Variants in HUNK observed in about 807,000 individuals in gnomAD.
HUNK encodes the protein hormonally up-regulated Neu-associated kinase, also known as hormonally up-regulated neu tumor-associated kinase.
In HUNK, 21 loss-of-function variants were observed where a neutral mutation model predicts 61.0. That is an observed-to-expected ratio of 0.34 (90% CI 0.24 to 0.50). The LOEUF is 0.50. Among genes scored for constraint, HUNK ranks in the 20% least tolerant of loss-of-function variants. The pLI, the probability that HUNK is intolerant of heterozygous loss-of-function variation, is 0.98. For missense variants in HUNK, 772 were observed against 945.7 expected, an observed-to-expected ratio of 0.82 and a Z score of 2.41; for synonymous variants, 371 against 386.1, an observed-to-expected ratio of 0.96 and a Z score of 0.46.
chr21:31,908,382 A>C (rs1345063673), intron 1 of HUNK, among the ~76,000 whole-genome samples: 1 of 150,878 alleles, frequency 6.6e-6, no homozygotes, highest in African/African-American at 2.4e-5. Flanking sequence ...GAAAGCCGGG[A>C]GGGTGGGGGA....
chr21:31,962,176 G>A (rs1379837789), intron 5 of HUNK, among the ~76,000 whole-genome samples: 1 of 152,198 alleles, frequency 6.6e-6, no homozygotes, highest in African/African-American at 2.4e-5. Flanking sequence ...AACATGGCAT[G>A]CGGCTTCACC....
chr21:31,890,593 G>T (rs928833941), intron 1 of HUNK, among the ~76,000 whole-genome samples: 1 of 152,190 alleles, frequency 6.6e-6, no homozygotes, highest in Non-Finnish European at 1.5e-5. Flanking sequence ...TGGAGTTGCT[G>T]TAATTTTTAA....
intron 3 of HUNK, among the ~76,000 whole-genome samples, chr21:31,941,018 G>C (rs2052765179): frequency 6.6e-6 from 1 of 152,172 alleles, no homozygotes; most frequent in African/African-American, 2.4e-5. Flanking sequence ...TGCCCAAGAA[G>C]GAACTTTTGT....
At position 31,924,930 on chromosome 21, in the gene HUNK, C is replaced by CT. The variant is rs903378480; in HGVS notation, c.554+172dup. ...TATTTTTTTGAGACGGAGTTTTGTTCTTGTTGCCCAGGCTGGAGTGCAATG... is the reference window on the plus strand; with the variant it reads ...TATTTTTTTGAGACGGAGTTTTGTTCTTTGTTGCCCAGGCTGGAGTGCAATG... On this transcript the variant is annotated intron_variant, in intron 2 of 10. Coordinates refer to ENST00000270112, the MANE Select transcript of HUNK (RefSeq NM_014586.2). The surrounding 1 kb of genome is among the most constrained non-coding windows in gnomAD (Gnocchi z 5.1). Among the ~76,000 whole-genome samples, 1 of 152,064 alleles carries CT rather than the reference C, an allele frequency of 6.6e-6. No individual in the cohort carries two copies. The highest frequency in any genetic ancestry group is 1.5e-5 in the Non-Finnish European group (1 of 68,010).
At chr21:31,918,956 T>TGAGGGGCTGGACTGAGCGGTATGAGGAG (rs1555877177) in intron 1 of HUNK, among the ~76,000 whole-genome samples, 1 of 145,714 alleles carries the variant, frequency 6.9e-6, no homozygotes, top group Non-Finnish European at 1.5e-5. Flanking sequence ...GGTATGAGGT[T>TGAGGGGCTGGACTGAGCGGTATGAGGAG]GAGGGGCTGG....
Position 31,940,226 on chromosome 21 carries a change from AC to A in HUNK, c.610+7del. The A allele has an allele frequency of 2.0e-6, 3 of 1,529,234 alleles. No homozygotes were observed. Among genetic ancestry groups the A allele is most frequent in the South Asian group, 1.2e-5 (1 of 81,992 alleles). 94.7% of individuals were successfully genotyped at this position (1,529,234 alleles called of 1,614,324 possible). On this transcript the variant is annotated splice_region_variant and intron_variant, in intron 3 of 10. Coordinates refer to ENST00000270112, the MANE Select transcript of HUNK (RefSeq NM_014586.2). ...CAATAATATCAAGCTGATTGGTATG[AC>A]TTTTTTTTTTTTTTAAGCAAAAGTA...
chr21:31,993,198 C>T (rs796725763), intron 9 of HUNK, among the ~76,000 whole-genome samples: 8 of 152,272 alleles, frequency 5.3e-5, no homozygotes, highest in African/African-American at 1.9e-4. Flanking sequence ...TACAGGCCAA[C>T]CTTGGTCTCT....
intron 2 of HUNK, among the ~76,000 whole-genome samples, chr21:31,932,248 A>G (rs928545529): frequency 6.6e-6 from 1 of 152,040 alleles, no homozygotes; most frequent in African/African-American, 2.4e-5. Flanking sequence ...TCTTTGCTCC[A>G]CAGGGTTGGA....
At chr21:31,940,116 A>G (rs1180015057) in intron 2 of HUNK, 49 bp from the exon 3 acceptor site, 1 of 1,453,512 alleles carries the variant, frequency 6.9e-7, no homozygotes, top group Admixed American at 1.9e-5. Context: ...ATGTAATTCC[A>G]TTATTTCGAA....
intron 7 of HUNK, among the ~76,000 whole-genome samples, chr21:31,978,846 C>G (rs549451903): frequency 3.9e-5 from 6 of 152,030 alleles, no homozygotes; most frequent in Non-Finnish European, 7.4e-5. Context: ...AATATAGACC[C>G]AGAAGTGGAA....
intron 1 of HUNK, among the ~76,000 whole-genome samples, chr21:31,896,979 T>C (rs1247943851): frequency 2.0e-5 from 3 of 152,168 alleles, no homozygotes; most frequent in Admixed American, 6.5e-5. Context: ...GCGCGGTGGC[T>C]CACACCTGTA....
At position 31,904,812 on chromosome 21, in the gene HUNK, C is replaced by T. The variant is rs1302904173; in HGVS notation, c.262-19656C>T. Among the ~76,000 whole-genome samples, 4 of 152,104 alleles carry T rather than the reference C, an allele frequency of 2.6e-5. No homozygotes were observed. The East Asian group carries it at 7.7e-4, about 29-fold the overall frequency. On this transcript the variant is annotated intron_variant, in intron 1 of 10. Transcript: ENST00000270112. ...GATAGTCTTTAAACAGATAGTTGAGCGGGATGTGGTGGCTCATGCCTGTAA... is the reference window on the plus strand; with the variant it reads ...GATAGTCTTTAAACAGATAGTTGAGTGGGATGTGGTGGCTCATGCCTGTAA...
intron 5 of HUNK, among the ~76,000 whole-genome samples, chr21:31,967,334 G>A (rs1301806652): frequency 6.6e-6 from 1 of 152,042 alleles, no homozygotes; most frequent in Non-Finnish European, 1.5e-5. Flanking sequence ...CTGGGCGACA[G>A]TGTGAGACTC....
At chr21:31,918,723 A>G (rs897292225) in intron 1 of HUNK, among the ~76,000 whole-genome samples, 3 of 152,070 alleles carry the variant, frequency 2.0e-5, no homozygotes, top group African/African-American at 7.2e-5. Context: ...GACATTTTTG[A>G]TGGCATTTAG....
chr21:31,882,180 A>G (rs1249601328), intron 1 of HUNK, among the ~76,000 whole-genome samples: 2 of 152,108 alleles, frequency 1.3e-5, no homozygotes, highest in African/African-American at 4.8e-5. Flanking sequence ...AAAAAAAACT[A>G]CTCAGGGTAG....
At position 31,999,489 on chromosome 21, in the gene HUNK, A is replaced by C; in HGVS notation, c.*305A>C. On this transcript the variant is annotated 3_prime_UTR_variant, in exon 11 of 11. Coordinates refer to ENST00000270112, the MANE Select transcript of HUNK (RefSeq NM_014586.2). ...CCCAGGCTTGGGGGGAAAACAGGGC[A>C]TGAGCCTTCTGGGGCACTCAGATTA... 1 of 360,222 alleles carries C rather than the reference A, an allele frequency of 2.8e-6. No homozygotes were observed. Among genetic ancestry groups the C allele is most frequent in the Non-Finnish European group, 5.0e-6 (1 of 199,776 alleles). The allele number at this position is 360,222 out of a possible 1,614,324, so 22.3% of individuals were successfully genotyped here. A position where few individuals can be genotyped will look rare whatever the true frequency, so the allele number is the denominator to read the frequency against.
chr21:31,879,546 C>T (rs939329567), intron 1 of HUNK, among the ~76,000 whole-genome samples: 12 of 152,172 alleles, frequency 7.9e-5, no homozygotes, highest in Non-Finnish European at 1.2e-4. Context: ...AGTGCAGAAA[C>T]GGTGCCCACG....
At position 31,996,025 on chromosome 21, in the gene HUNK, G is replaced by T; in HGVS notation, c.1486+77G>T. ...CGCTGTGTAGCCCTCACAGGGGATG[G>T]TCGAATGGGCCCTAGAGCAGAGATG... On this transcript the variant is annotated intron_variant, in intron 10 of 10. Coordinates refer to ENST00000270112, the MANE Select transcript of HUNK (RefSeq NM_014586.2). The T allele has an allele frequency of 3.7e-6, 4 of 1,078,850 alleles. No individual in the cohort carries two copies. The South Asian group carries it at 6.2e-5, about 17-fold the overall frequency. 66.8% of individuals were successfully genotyped at this position (1,078,850 alleles called of 1,614,324 possible).
At chr21:31,950,786 C>T in intron 4 of HUNK, among the ~76,000 whole-genome samples, 1 of 152,110 alleles carries the variant, frequency 6.6e-6, no homozygotes, top group East Asian at 1.9e-4. Context: ...GATTTTCTTG[C>T]TGGGTTAGAC....
Sources: gnomAD v4.1 joint callset for allele counts (sites outside exome capture counted in the v4.1 genomes callset) on GRCh38, gnomAD v4.1.1 for gene constraint, Gnocchi (gnomAD v3.1) non-coding constraint, MANE v1.5 for transcripts, NCBI Gene and HGNC (gene_info 2026-07-23, HGNC 2026-07-21) for gene names.